Variants in CEP164 observed in about 807,000 individuals in gnomAD.
CEP164 encodes the protein centrosomal protein of 164 kDa.
Under a neutral mutation model 182.7 loss-of-function variants are expected in CEP164, and 162 were observed. That is an observed-to-expected ratio of 0.89 (90% CI 0.78 to 1.01). The LOEUF (loss-of-function observed/expected upper bound fraction) is 1.01. Ranked by LOEUF, CEP164 falls within the 50% of genes least tolerant of loss-of-function variation. The probability of loss-of-function intolerance (pLI) is 0.00; values close to 1 mark genes in which losing one functional copy is unlikely to be tolerated. For missense variants in CEP164, 1,735 were observed against 1,790.4 expected (o/e 0.97, Z 0.56); for synonymous variants, 661 against 690.0 (o/e 0.96, Z 0.66).
At position 117,395,111 on chromosome 11, in the gene CEP164, C is replaced by G; in HGVS notation, c.2845-12C>G. On this transcript the variant is annotated splice_polypyrimidine_tract_variant and intron_variant, in intron 22 of 32. Coordinates refer to ENST00000278935, the MANE Select transcript of CEP164 (RefSeq NM_014956.5). Reference sequence around the variant, plus strand: ...TGCAGTCAGCCAGAAAATCCTGTCTCTTCCCTGCAAGGAGGAGACCGCCCG... The same window carrying G: ...TGCAGTCAGCCAGAAAATCCTGTCTGTTCCCTGCAAGGAGGAGACCGCCCG... 6.2e-7 allele frequency: 1 copy of G among 1,614,180 alleles called. No homozygotes were observed. Among genetic ancestry groups the G allele is most frequent in the Non-Finnish European group, 8.5e-7 (1 of 1,180,018 alleles).
intron 3 of CEP164, 151 bp downstream of exon 3, chr11:117,338,819 TG>T: frequency 1.6e-6 from 1 of 641,002 alleles, no homozygotes; most frequent in Non-Finnish European, 2.7e-6. Flanking sequence ...GAGCCTACCT[TG>T]GCCTCTTGCC....
intron 1 of CEP164, among the ~76,000 whole-genome samples, chr11:117,329,839 CTTTTTTTTTT>C (rs61429989): frequency 1.0e-5 from 1 of 95,578 alleles, no homozygotes; most frequent in Non-Finnish European, 1.9e-5. Context: ...TGCGCCTGGC[CTTTTTTTTTT>C]TTTTTTTTTT....
chr11:117,408,791 G>T, intron 28 of CEP164, 99 bp from the exon 29 acceptor site: 1 of 1,461,650 alleles, frequency 6.8e-7, no homozygotes, highest in South Asian at 1.2e-5. Context: ...ACATAAAGAA[G>T]AACCTAGCTC....
At chr11:117,350,615 T>C (rs1048137003) in intron 4 of CEP164, among the ~76,000 whole-genome samples, 1 of 152,160 alleles carries the variant, frequency 6.6e-6, no homozygotes, top group Non-Finnish European at 1.5e-5. Context: ...ATTTATCTAT[T>C]TTTCATTTTC....
Position 117,412,425 on chromosome 11 carries a change from C to T in CEP164, c.*257C>T, listed in dbSNP as rs7952277. 1,168 of 352,502 alleles carry T rather than the reference C, an allele frequency of 3.3e-3. 12 individuals are homozygous for T. The highest frequency in any genetic ancestry group is 0.02 in the African/African-American group (963 of 47,888). 21.8% of individuals were successfully genotyped at this position (352,502 alleles called of 1,614,324 possible). A position where few individuals can be genotyped will look rare whatever the true frequency, so the allele number is the denominator to read the frequency against. ...GCAAGCTGATGGCGTGCGGTGGCTG[C>T]GGGGTATCAGGGCCGGGAGCCCTTT... On this transcript the variant is annotated 3_prime_UTR_variant, in exon 33 of 33. Coordinates refer to ENST00000278935, the MANE Select transcript of CEP164 (RefSeq NM_014956.5).
upstream of CEP164, among the ~76,000 whole-genome samples, chr11:117,323,305 C>CT (rs557331639): frequency 7.9e-3 from 1,157 of 146,432 alleles, 15 homozygotes; most frequent in African/African-American, 0.022. Context: ...ATGAGATCAA[C>CT]TTTTTTTTTT....
intron 15 of CEP164, 135 bp from the exon 16 acceptor site, chr11:117,390,642 G>GAA (rs60684637): frequency 1.6e-3 from 1,529 of 969,194 alleles, no homozygotes; most frequent in Middle Eastern, 1.8e-3. Flanking sequence ...TCTCCAAAAA[G>GAA]AAAAAAAAAA....
chr11:117,355,353 C>T (rs578179803), intron 5 of CEP164: 1 of 1,289,826 alleles, frequency 7.8e-7, no homozygotes, highest in East Asian at 5.5e-5. Context: ...GGCACTCCAG[C>T]CCCTCAGAAC....
At chr11:117,396,724 G>A in intron 26 of CEP164, 113 bp downstream of exon 26, 5 of 889,818 alleles carry the variant, frequency 5.6e-6, no homozygotes, top group Non-Finnish European at 9.5e-6. Context: ...ATCACCAGTG[G>A]GGCTTAGTTC....
chr11:117,331,532 C>A (rs1013832822), intron 1 of CEP164, among the ~76,000 whole-genome samples: 9 of 152,128 alleles, frequency 5.9e-5, no homozygotes, highest in South Asian at 2.1e-4. Flanking sequence ...TATACACATG[C>A]AGTTATTGAG....
intron 14 of CEP164, 138 bp from the exon 15 acceptor site, chr11:117,387,065 T>G (rs770952567): frequency 5.0e-5 from 38 of 762,522 alleles, no homozygotes; most frequent in Non-Finnish European, 8.0e-5. Context: ...TGGCCTGCCC[T>G]TGGGTGACCT....
chr11:117,324,440 C>T (rs1229290198), upstream of CEP164, among the ~76,000 whole-genome samples: 1 of 125,276 alleles, frequency 8.0e-6, no homozygotes, highest in East Asian at 2.3e-4. Flanking sequence ...AACTCCCTCT[C>T]AAAAAAAAAA....
At chr11:117,340,715 G>C (rs1055203667) in intron 3 of CEP164, among the ~76,000 whole-genome samples, 2 of 152,062 alleles carry the variant, frequency 1.3e-5, no homozygotes, top group Admixed American at 6.5e-5. Context: ...GTAGGGATAG[G>C]CTCTCACTGT....
chr11:117,336,288 T>G, intron 2 of CEP164: 1 of 1,541,672 alleles, frequency 6.5e-7, no homozygotes, highest in Non-Finnish European at 8.9e-7. Context: ...TTTTATGAGC[T>G]TTCTTCATTT....
intron 5 of CEP164, among the ~76,000 whole-genome samples, chr11:117,356,880 A>G (rs775938825): frequency 6.6e-6 from 1 of 152,122 alleles, no homozygotes; most frequent in Admixed American, 6.5e-5. Context: ...TGGGTGGTTC[A>G]TGTGCTTTGA....
intron 30 of CEP164, 135 bp from the exon 31 acceptor site, chr11:117,410,693 C>T: frequency 1.6e-6 from 1 of 632,524 alleles, no homozygotes; most frequent in Non-Finnish European, 2.8e-6. Context: ...AGGACCATTC[C>T]TGTCTCTCAC....
At position 117,381,880 on chromosome 11, in the gene CEP164, G is replaced by A. The variant is rs1565544034; in HGVS notation, c.1577+12G>A. Reference sequence around the variant, plus strand: ...CTGTCCCTCCAGAGGTAAGGATGAGGGGAAGCATCCTCATGAGGATGAGGG... The same window carrying A: ...CTGTCCCTCCAGAGGTAAGGATGAGAGGAAGCATCCTCATGAGGATGAGGG... On this transcript the variant is annotated intron_variant, in intron 13 of 32. Transcript: ENST00000278935. 1 of 1,477,848 alleles carries A rather than the reference G, an allele frequency of 6.8e-7. No individual in the cohort carries two copies. The allele number at this position is 1,477,848 out of a possible 1,614,324, so 91.5% of individuals were successfully genotyped here.
chr11:117,355,206 C>T, intron 5 of CEP164: 1 of 1,289,862 alleles, frequency 7.8e-7, no homozygotes, highest in Non-Finnish European at 1.0e-6. Context: ...TTAGGCAGGG[C>T]CCCAGCCCAA....
chr11:117,390,659 A>G, intron 15 of CEP164, 118 bp from the exon 16 acceptor site: 2 of 996,924 alleles, frequency 2.0e-6, no homozygotes, highest in Non-Finnish European at 1.5e-6. Context: ...AAAAAAAAAG[A>G]TTTAGGAAGT....
Sources: gnomAD v4.1 joint callset for allele counts (sites outside exome capture counted in the v4.1 genomes callset) on GRCh38, gnomAD v4.1.1 for gene constraint, MANE v1.5 for transcripts, NCBI Gene and HGNC (gene_info 2026-07-23, HGNC 2026-07-21) for gene names.